PLEKHH1: variants seen among roughly 807,000 people sequenced by gnomAD.
PLEKHH1 encodes pleckstrin homology, MyTH4 and FERM domain containing H1, also known as pleckstrin homology domain-containing family H member 1.
In PLEKHH1, 104 loss-of-function variants were observed where a neutral mutation model predicts 160.0. That is an observed-to-expected ratio of 0.65 (90% CI 0.55 to 0.76). The LOEUF (loss-of-function observed/expected upper bound fraction) is 0.76, where lower values mean the gene tolerates loss of function less well. Ranked by LOEUF, PLEKHH1 falls within the 30% of genes least tolerant of loss-of-function variation. The pLI is 0.00. For synonymous variants in PLEKHH1, 619 were observed against 678.4 expected, an observed-to-expected ratio of 0.91 and a Z score of 1.36; for missense variants, 1,427 against 1,724.1, an observed-to-expected ratio of 0.83 and a Z score of 3.05.
At chr14:67,535,700 C>T (rs936997219) in intron 1 of PLEKHH1, among the ~76,000 whole-genome samples, 1 of 152,086 alleles carries the variant, frequency 6.6e-6, no homozygotes, top group Middle Eastern at 3.2e-3. Context: ...ATCTTTGGGC[C>T]ACATCTCCTT....
At chr14:67,546,399 T>C (rs1378775639) in intron 2 of PLEKHH1, among the ~76,000 whole-genome samples, 1 of 152,038 alleles carries the variant, frequency 6.6e-6, no homozygotes, top group Admixed American at 6.5e-5. Flanking sequence ...TGTTTTGTTT[T>C]TGTTTTTGTT....
In PLEKHH1 at chr14:67,576,110, T is replaced by A; in HGVS notation, c.2352+105T>A. ...CCCAAAATTCAAATTTATTTCCTTTTGGACACTTTGGCAACTAATATTCTC... is the reference window on the plus strand; with the variant it reads ...CCCAAAATTCAAATTTATTTCCTTTAGGACACTTTGGCAACTAATATTCTC... On this transcript the variant is annotated intron_variant, in intron 16 of 28. Coordinates refer to ENST00000329153, the MANE Select transcript of PLEKHH1 (RefSeq NM_020715.3). The surrounding 1 kb of genome is among the most constrained non-coding windows in gnomAD (Gnocchi z 4.0). 1.1e-6 allele frequency: 1 copy of A among 876,160 alleles called. No homozygotes were observed. Among genetic ancestry groups the A allele is most frequent in the Non-Finnish European group, 1.8e-6 (1 of 566,866 alleles). 54.3% of individuals were successfully genotyped at this position (876,160 alleles called of 1,614,324 possible).
chr14:67,575,689 A>C (rs930278878), intron 15 of PLEKHH1, 134 bp from the exon 16 acceptor site: 82 of 751,926 alleles, frequency 1.1e-4, no homozygotes, highest in Non-Finnish European at 1.7e-4. Flanking sequence ...CTGGGATGCT[A>C]TAGTCTCCAC....
rs1168444094 is a variant in PLEKHH1 at position 67,577,064 on chromosome 14, A to G, written c.2462-238A>G. Among the ~76,000 whole-genome samples, 4 of 152,084 alleles carry G rather than the reference A, an allele frequency of 2.6e-5. No homozygotes were observed. The East Asian group carries it at 7.7e-4, about 29-fold the overall frequency. ...CATCCACCTGCACTCAGACACCCAC[A>G]ACCTTGCACACTCACCCCTACTGCC... On this transcript the variant is annotated intron_variant, in intron 17 of 28. Coordinates refer to ENST00000329153, the MANE Select transcript of PLEKHH1 (RefSeq NM_020715.3).
At chr14:67,565,780 G>A (rs1224784128) in intron 7 of PLEKHH1, among the ~76,000 whole-genome samples, 3 of 152,230 alleles carry the variant, frequency 2.0e-5, no homozygotes, top group South Asian at 2.1e-4. Context: ...ACCACTGCTC[G>A]GGAGACCTGT....
intron 7 of PLEKHH1, among the ~76,000 whole-genome samples, chr14:67,563,143 G>A (rs1288530553): frequency 6.6e-6 from 1 of 152,240 alleles, no homozygotes; most frequent in Non-Finnish European, 1.5e-5. Flanking sequence ...ATTGAGCTGG[G>A]TGCCCTGCAT....
chr14:67,577,519 G>A (rs1254091807), intron 18 of PLEKHH1, 105 bp downstream of exon 18: 3 of 755,116 alleles, frequency 4.0e-6, no homozygotes, highest in Non-Finnish European at 6.7e-6. Context: ...TGGAGAGGAA[G>A]GGAAGGAAAC....
chr14:67,559,211 A>C (rs1228202896), intron 4 of PLEKHH1, among the ~76,000 whole-genome samples: 3 of 152,036 alleles, frequency 2.0e-5, no homozygotes, highest in Non-Finnish European at 4.4e-5. Flanking sequence ...TTTGTTTTTT[A>C]ACTATAAAGG....
intron 7 of PLEKHH1, among the ~76,000 whole-genome samples, chr14:67,563,409 G>C (rs1325246440): frequency 6.7e-6 from 1 of 149,172 alleles, no homozygotes; most frequent in African/African-American, 2.5e-5. Flanking sequence ...TTCTTTCTTT[G>C]TTTTTCTTTT....
rs1424421721 is a variant in PLEKHH1, at chr14:67,584,059, A to G, written c.3634A>G (p.Ile1212Val). 12 of 1,614,000 alleles carry G rather than the reference A, an allele frequency of 7.4e-6. No homozygotes were observed. Among genetic ancestry groups the G allele is most frequent in the Non-Finnish European group, 1.0e-5 (12 of 1,179,884 alleles). The change falls in exon 26 of 29, where the codon ATC (isoleucine) becomes GTC (valine). Residue 1212 changes from isoleucine (I) to valine (V), a missense_variant. Coordinates refer to ENST00000329153, the MANE Select transcript of PLEKHH1 (RefSeq NM_020715.3). ...TLQGCSPPEC[I>V]RIYLTVARKW... ...GCAAGGATGCTCCCCTCCTGAGTGC[A>G]TCCGCATCTACCTGACCGTGGCCAG...
chr14:67,585,945 C>G lies in PLEKHH1; in HGVS notation c.3787-6C>G. ...TTCCCCACAACTGACTGGTTCCTTTCCACAGCAAGTGCACATCACTTACCC... is the reference window on the plus strand; with the variant it reads ...TTCCCCACAACTGACTGGTTCCTTTGCACAGCAAGTGCACATCACTTACCC... On this transcript the variant is annotated splice_region_variant and splice_polypyrimidine_tract_variant and intron_variant, in intron 27 of 28. Coordinates refer to ENST00000329153, the MANE Select transcript of PLEKHH1 (RefSeq NM_020715.3). 1 of 1,608,908 alleles carries G rather than the reference C, an allele frequency of 6.2e-7. No homozygotes were observed. Among genetic ancestry groups the G allele is most frequent in the Non-Finnish European group, 8.5e-7 (1 of 1,177,744 alleles).
rs1267177809 is a variant in PLEKHH1 at position 67,579,174 on chromosome 14, G to A, written c.2890G>A (p.Val964Met). 1 of 1,607,712 alleles carries A rather than the reference G, an allele frequency of 6.2e-7. No homozygotes were observed. Among genetic ancestry groups the A allele is most frequent in the Admixed American group, 1.7e-5 (1 of 57,590 alleles). Residue 964 changes from valine (V) to methionine (M), a missense_variant, in exon 21 of 29, where the codon GTG (valine) becomes ATG (methionine). By Grantham distance (21) the Val-to-Met change is conservative. Transcript: ENST00000329153. ...GQYATYCQRA[V>M]ERTLRTGERE... ...GTATGCCACCTACTGCCAGCGGGCAGTGGAGCGGACCCTGCGGACCGGGGA... is the reference window on the plus strand; with the variant it reads ...GTATGCCACCTACTGCCAGCGGGCAATGGAGCGGACCCTGCGGACCGGGGA...
Position 67,562,653 on chromosome 14 carries a change from A to G in PLEKHH1, c.1022A>G (p.His341Arg). 1 of 1,612,890 alleles carries G rather than the reference A, an allele frequency of 6.2e-7. No homozygotes were observed. Among genetic ancestry groups the G allele is most frequent in the Non-Finnish European group, 8.5e-7 (1 of 1,179,466 alleles). Reference sequence around the variant, plus strand: ...AGCCAGCCCCAGGTGGGCCATGGGCACTTTGGCCGTGTGGTGAACATTGAG... The same window carrying G: ...AGCCAGCCCCAGGTGGGCCATGGGCGCTTTGGCCGTGTGGTGAACATTGAG... ...HHSQPQVGHG[H>R]FGRVVNIETE... The change falls in exon 7 of 29, where the codon CAC becomes CGC. Residue 341 changes from histidine to arginine, a missense_variant. Around this residue, in one of 6 missense-constraint regions of PLEKHH1, gnomAD observed 831 missense variants for 929.2 expected, o/e 0.89. Transcript: ENST00000329153.
At position 67,578,162 on chromosome 14, in the gene PLEKHH1, C is replaced by T; in HGVS notation, c.2714C>T (p.Thr905Ile). The change falls in exon 19 of 29, where the codon ACC becomes ATC. Residue 905 changes from threonine (T) to isoleucine (I), a missense_variant. Thr to Ile is a moderately conservative substitution (Grantham distance 89, BLOSUM62 -1). Around this residue, in one of 6 missense-constraint regions of PLEKHH1, gnomAD observed 436 missense variants for 607.5 expected, o/e 0.72. Coordinates refer to ENST00000329153, the MANE Select transcript of PLEKHH1 (RefSeq NM_020715.3). The surrounding 1 kb of genome is among the most constrained non-coding windows in gnomAD (Gnocchi z 5.0). ...SEIYCQLMKQ[T>I]SCRPPQKYSL... is the part of the protein sequence containing the mutation. ...ATCTACTGCCAACTCATGAAGCAGA[C>T]CAGCTGCCGCCCACCTCAGAAGTAC... is the stretch of plus-strand genomic sequence containing the variant. 1 of 1,613,904 alleles carries T rather than the reference C, an allele frequency of 6.2e-7. No homozygotes were observed. Among genetic ancestry groups the T allele is most frequent in the Non-Finnish European group, 8.5e-7 (1 of 1,179,860 alleles).
chr14:67,583,893 C>G lies in PLEKHH1; in HGVS notation c.3569+10C>G. 1 of 1,613,136 alleles carries G rather than the reference C, an allele frequency of 6.2e-7. No homozygotes were observed. Among genetic ancestry groups the G allele is most frequent in the Non-Finnish European group, 8.5e-7 (1 of 1,179,212 alleles). ...CCGCTGAACAGCTGAGGTAGGTAGG[C>G]TACAAGGTCTTGCAGCAAGTCACTG... On this transcript the variant is annotated intron_variant, in intron 25 of 28. Coordinates refer to ENST00000329153, the MANE Select transcript of PLEKHH1 (RefSeq NM_020715.3).
At chr14:67,571,380 A>T (rs528072847) in intron 9 of PLEKHH1, 152 of 202,760 alleles carry the variant, frequency 7.5e-4, no homozygotes, top group African/African-American at 3.3e-3. Flanking sequence ...TTGCCAATGG[A>T]GATGCAATCA....
In PLEKHH1 at chr14:67,575,438, A is replaced by G. The variant is rs1200314319; in HGVS notation, c.2135A>G (p.Lys712Arg). Reference protein sequence around the residue: ...SKVVWCALVGKIFYYYRSHED... With the variant: ...SKVVWCALVGRIFYYYRSHED... ...GTGGTCTGGTGCGCTCTTGTTGGGA[A>G]AATCTTCTACTACTATCGGAGCCAT... Residue 712 changes from lysine to arginine, a missense_variant, in exon 15 of 29, where the codon AAA (lysine) becomes AGA (arginine). Transcript: ENST00000329153. 2 of 1,609,590 alleles carry G rather than the reference A, an allele frequency of 1.2e-6. No homozygotes were observed. Among genetic ancestry groups the G allele is most frequent in the Non-Finnish European group, 1.7e-6 (2 of 1,177,894 alleles).
chr14:67,539,922 A>G (rs2033897623), intron 1 of PLEKHH1, among the ~76,000 whole-genome samples: 1 of 152,208 alleles, frequency 6.6e-6, no homozygotes, highest in Non-Finnish European at 1.5e-5. Context: ...AGCTACTTGT[A>G]GTGTATGATG....
In PLEKHH1 at chr14:67,586,307, G is replaced by A. The variant is rs114040227; in HGVS notation, c.3933+210G>A. On this transcript the variant is annotated intron_variant, in intron 28 of 28. Coordinates refer to ENST00000329153, the MANE Select transcript of PLEKHH1 (RefSeq NM_020715.3). Reference sequence around the variant, plus strand: ...AGTAGGTAAAGGGACATATTTGGAGGGAACTAACTCTGGCCTAGCTACTAT... The same window carrying A: ...AGTAGGTAAAGGGACATATTTGGAGAGAACTAACTCTGGCCTAGCTACTAT... 2,033 of 1,202,320 alleles carry A rather than the reference G, an allele frequency of 1.7e-3. 37 individuals are homozygous for A. The African/African-American group carries it at 0.027, about 16-fold the overall frequency. 74.5% of individuals were successfully genotyped at this position (1,202,320 alleles called of 1,614,324 possible). A position where few individuals can be genotyped will look rare whatever the true frequency, so the allele number is the denominator to read the frequency against.
Sources: gnomAD v4.1 joint callset for allele counts (sites outside exome capture counted in the v4.1 genomes callset) on GRCh38, gnomAD v4.1.1 for gene constraint, gnomAD v4.1.1 regional missense constraint, Gnocchi (gnomAD v3.1) non-coding constraint, MANE v1.5 for transcripts, NCBI Gene and HGNC (gene_info 2026-07-23, HGNC 2026-07-21) for gene names.